The following LPIN2 variants were observed in gnomAD, a reference collection of about 807,000 sequenced individuals.
The protein encoded by LPIN2 is phosphatidate phosphatase LPIN2.
In LPIN2, 55 loss-of-function variants were observed where a neutral mutation model predicts 111.4. The ratio of observed to expected loss-of-function variants is 0.49; its 90% CI spans 0.40 to 0.62. The LOEUF is 0.62. Ranked by LOEUF, LPIN2 falls within the 20% of genes least tolerant of loss-of-function variation. The pLI is 0.00. For synonymous variants in LPIN2, 425 were observed against 414.0 expected, an observed-to-expected ratio of 1.03 and a Z score of -0.32; for missense variants, 992 against 1,112.1, an observed-to-expected ratio of 0.89 and a Z score of 1.54.
intron 2 of LPIN2, among the ~76,000 whole-genome samples, chr18:2,956,038 G>T (rs1211967356): frequency 1.3e-5 from 2 of 152,168 alleles, no homozygotes; most frequent in African/African-American, 2.4e-5. Flanking sequence ...ATTTTGACTT[G>T]TATTATAAGT....
At chr18:2,928,257 G>C (rs1486680644) in intron 11 of LPIN2, among the ~76,000 whole-genome samples, 1 of 152,096 alleles carries the variant, frequency 6.6e-6, no homozygotes, top group Non-Finnish European at 1.5e-5. Flanking sequence ...TCTTCTTGCT[G>C]CTTCTTCCCA....
intron 1 of LPIN2, among the ~76,000 whole-genome samples, chr18:2,994,174 G>A (rs1233209516): frequency 2.0e-5 from 3 of 152,316 alleles, no homozygotes; most frequent in South Asian, 2.1e-4. Context: ...TACCAATACT[G>A]CCTTTAGTCC....
At chr18:2,997,127 A>G (rs931205922) in intron 1 of LPIN2, among the ~76,000 whole-genome samples, 4 of 151,742 alleles carry the variant, frequency 2.6e-5, no homozygotes, top group Admixed American at 1.3e-4. Flanking sequence ...GATTACAGGT[A>G]CCCACCCCCA....
chr18:3,003,839 G>A (rs936875115), intron 1 of LPIN2, among the ~76,000 whole-genome samples: 3 of 152,192 alleles, frequency 2.0e-5, no homozygotes, highest in Non-Finnish European at 4.4e-5. Flanking sequence ...TGCCTGCGGG[G>A]TCGGGCAGAA....
chr18:2,928,984 C>G (rs889131218), intron 10 of LPIN2, 81 bp downstream of exon 10: 48 of 943,064 alleles, frequency 5.1e-5, no homozygotes, highest in Non-Finnish European at 7.5e-5. Flanking sequence ...AGAAGGAACA[C>G]TTTTATAAGT....
intron 1 of LPIN2, among the ~76,000 whole-genome samples, chr18:3,007,359 G>C (rs1027880479): frequency 3.3e-5 from 5 of 152,252 alleles, no homozygotes; most frequent in African/African-American, 1.2e-4. Context: ...TTTTAGTAGA[G>C]ACGGGGTTTC....
At chr18:2,942,866 G>A (rs1433909038) in intron 4 of LPIN2, among the ~76,000 whole-genome samples, 1 of 152,206 alleles carries the variant, frequency 6.6e-6, no homozygotes, top group African/African-American at 2.4e-5. Context: ...GGCTATAGTG[G>A]AGCGTACACA....
rs1051772529 is a variant in LPIN2 at position 2,998,777 on chromosome 18, C to T, written c.-10+14310G>A. Among the ~76,000 whole-genome samples, 5 of 152,208 alleles carry T rather than the reference C, an allele frequency of 3.3e-5. No individual in the cohort carries two copies. The East Asian group carries it at 9.6e-4, about 29-fold the overall frequency. The stretch of plus-strand genomic sequence containing the variant: ...GGGACAGAGCATGATGAGAACCTGG[C>T]TAACATGTTCACGAAACTATGCCAG... On this transcript the variant is annotated intron_variant, in intron 1 of 19. Transcript: ENST00000677752.
At chr18:2,936,047 A>G (rs2077281218) in intron 7 of LPIN2, among the ~76,000 whole-genome samples, 2 of 152,344 alleles carry the variant, frequency 1.3e-5, no homozygotes, top group South Asian at 2.1e-4. Context: ...TTGGTGGAAG[A>G]GCAGGTGCCA....
In LPIN2 at chr18:2,917,381, T is replaced by C. The variant is rs1568494655; in HGVS notation, c.*2912A>G. On this transcript the variant is annotated 3_prime_UTR_variant, in exon 20 of 20. Coordinates refer to ENST00000677752, the MANE Select transcript of LPIN2 (RefSeq NM_001375808.2). ...ATCGAAATTCCCCGGAAGTCTGTTT[T>C]TGCCAACTTGTAAAAAGTGAAAGAG... The C allele has an allele frequency of 6.6e-6, 1 of 152,250 alleles. No homozygotes were observed. Among genetic ancestry groups the C allele is most frequent in the Non-Finnish European group, 1.5e-5 (1 of 68,038 alleles). 9.4% of individuals were successfully genotyped at this position (152,250 alleles called of 1,614,324 possible).
At chr18:3,008,505 A>G (rs1436390067) in intron 1 of LPIN2, among the ~76,000 whole-genome samples, 1 of 152,260 alleles carries the variant, frequency 6.6e-6, no homozygotes, top group African/African-American at 2.4e-5. Context: ...TATTTCAGAA[A>G]TAGGTAAATG....
intron 1 of LPIN2, among the ~76,000 whole-genome samples, chr18:2,994,159 T>C (rs2078306160): frequency 6.6e-6 from 1 of 152,212 alleles, no homozygotes; most frequent in African/African-American, 2.4e-5. Flanking sequence ...CTGTAATATC[T>C]CAGGTACCAA....
At chr18:2,996,737 A>G (rs1470693783) in intron 1 of LPIN2, among the ~76,000 whole-genome samples, 1 of 152,002 alleles carries the variant, frequency 6.6e-6, no homozygotes, top group African/African-American at 2.4e-5. Flanking sequence ...TCGGCCTTCC[A>G]AAGTGCTGGG....
intron 5 of LPIN2, 78 bp downstream of exon 5, chr18:2,940,527 T>G (rs1192429003): frequency 1.2e-6 from 1 of 825,020 alleles, no homozygotes; most frequent in Non-Finnish European, 2.1e-6. Context: ...GAAATATCAT[T>G]ACTACAGATT....
At chr18:2,976,087 C>T (rs2078010280) in intron 1 of LPIN2, among the ~76,000 whole-genome samples, 1 of 152,204 alleles carries the variant, frequency 6.6e-6, no homozygotes, top group South Asian at 2.1e-4. Context: ...TAGGGAAGGA[C>T]ATGTTAAACT....
chr18:2,999,673 A>C (rs751302522), intron 1 of LPIN2, among the ~76,000 whole-genome samples: 15 of 152,090 alleles, frequency 9.9e-5, no homozygotes, highest in Non-Finnish European at 1.9e-4. Flanking sequence ...CGCCATGTGA[A>C]TATAAAGGCA....
intron 1 of LPIN2, among the ~76,000 whole-genome samples, chr18:3,007,145 A>T (rs2078528470): frequency 6.6e-6 from 1 of 152,116 alleles, no homozygotes; most frequent in Admixed American, 6.6e-5. Context: ...TCAAATAGGT[A>T]CCTATTATAT....
intron 4 of LPIN2, among the ~76,000 whole-genome samples, chr18:2,948,750 G>T (rs551255350): frequency 6.6e-6 from 1 of 151,622 alleles, no homozygotes; most frequent in Admixed American, 6.6e-5. Flanking sequence ...AAAAGAATAC[G>T]TTTCTTGCCC....
rs1462701995 is a variant in LPIN2, at chr18:2,917,771, C to CAAAT, written c.*2518_*2521dup. ...GAGCTTCAGCACACAGACAGCAAAG[C>CAAAT]AAATACGAGACTTAGACTGAACTGC... On this transcript the variant is annotated 3_prime_UTR_variant, in exon 20 of 20. Coordinates refer to ENST00000677752, the MANE Select transcript of LPIN2 (RefSeq NM_001375808.2). 6.6e-6 allele frequency: 1 copy of CAAAT among 152,262 alleles called. No homozygotes were observed. Among genetic ancestry groups the CAAAT allele is most frequent in the East Asian group, 1.9e-4 (1 of 5,200 alleles). The allele number at this position is 152,262 out of a possible 1,614,324, so 9.4% of individuals were successfully genotyped here.
Sources: gnomAD v4.1 joint callset for allele counts (sites outside exome capture counted in the v4.1 genomes callset) on GRCh38, gnomAD v4.1.1 for gene constraint, MANE v1.5 for transcripts, NCBI Gene and HGNC (gene_info 2026-07-23, HGNC 2026-07-21) for gene names.